MSI2: variants seen among roughly 807,000 people sequenced by gnomAD.
The protein encoded by MSI2 is musashi RNA binding protein 2, also known as RNA-binding protein Musashi homolog 2.
In MSI2, 17 loss-of-function variants were observed where a neutral mutation model predicts 45.6. The observed-to-expected ratio is 0.37, with a 90% CI of 0.26 to 0.56. The LOEUF is 0.56. MSI2 is among the 20% of genes least tolerant of loss of function. The pLI is 0.77. For synonymous variants in MSI2, 156 were observed against 158.2 expected (o/e 0.99, Z 0.11); for missense variants, 293 against 444.2 (o/e 0.66, Z 3.06).
intron 5 of MSI2, among the ~76,000 whole-genome samples, chr17:57,370,209 C>A (rs1482465981): frequency 1.3e-5 from 2 of 152,192 alleles, no homozygotes; most frequent in African/African-American, 2.4e-5. Flanking sequence ...CCTGCCCAGG[C>A]CTGCCCTGGT....
chr17:57,552,078 A>G lies in MSI2; in HGVS notation c.454+22354A>G, dbSNP rs8066491. On this transcript the variant is annotated intron_variant, in intron 7 of 13. Transcript: ENST00000284073. The surrounding 1 kb of genome is among the most constrained non-coding windows in gnomAD (Gnocchi z 4.3). Reference sequence around the variant, plus strand: ...CCTAGAGCCCCTCGTCCTGGGGCTCAAGGACCCAGCTCATGTGACCTTCAG... The same window carrying G: ...CCTAGAGCCCCTCGTCCTGGGGCTCGAGGACCCAGCTCATGTGACCTTCAG... 0.57 allele frequency among the ~76,000 whole-genome samples: 87,370 copies of G among 151,958 alleles called. 26,223 individuals carry two copies. The highest frequency in any genetic ancestry group is 0.76 in the African/African-American group (31,647 of 41,408).
intron 5 of MSI2, among the ~76,000 whole-genome samples, chr17:57,359,942 C>T (rs1469311123): frequency 6.6e-6 from 1 of 152,232 alleles, no homozygotes; most frequent in East Asian, 1.9e-4. Flanking sequence ...AAACTCTTCA[C>T]AGGCAACTCA....
intron 7 of MSI2, among the ~76,000 whole-genome samples, chr17:57,585,851 T>C (rs1404008367): frequency 6.6e-6 from 1 of 152,356 alleles, no homozygotes; most frequent in African/African-American, 2.4e-5. Context: ...CCAGAGCAGA[T>C]GCGGAGGCGG....
At chr17:57,269,630 A>T (rs1391320902) in intron 5 of MSI2, among the ~76,000 whole-genome samples, 2 of 152,082 alleles carry the variant, frequency 1.3e-5, no homozygotes, top group Non-Finnish European at 2.9e-5. Flanking sequence ...TTCCTCCTTA[A>T]CAAGGGACCA....
chr17:57,278,372 A>C (rs1012454379), intron 5 of MSI2: 2 of 152,378 alleles, frequency 1.3e-5, no homozygotes, highest in African/African-American at 4.8e-5. Context: ...GGAGATGGGG[A>C]CTGGGGTTTC....
chr17:57,406,488 C>T (rs1598225776), intron 6 of MSI2, among the ~76,000 whole-genome samples: 1 of 152,170 alleles, frequency 6.6e-6, no homozygotes, highest in African/African-American at 2.4e-5. Context: ...CGTTCCGCAC[C>T]TTTCAGCTGT....
At chr17:57,261,421 T>A (rs192357772) in intron 4 of MSI2, among the ~76,000 whole-genome samples, 11 of 152,292 alleles carry the variant, frequency 7.2e-5, no homozygotes, top group African/African-American at 2.6e-4. Flanking sequence ...TTAGGTTGCT[T>A]ATAGATTTTT....
intron 6 of MSI2, among the ~76,000 whole-genome samples, chr17:57,413,991 GA>G (rs1455571549): frequency 1.3e-5 from 2 of 151,978 alleles, no homozygotes; most frequent in African/African-American, 4.9e-5. Flanking sequence ...GCACCTTGGT[GA>G]GTGGAACAGA....
At chr17:57,363,018 A>C (rs182226737) in intron 5 of MSI2, among the ~76,000 whole-genome samples, 87 of 152,374 alleles carry the variant, frequency 5.7e-4, no homozygotes, top group Middle Eastern at 3.4e-3. Context: ...GGTTATATAC[A>C]TGAGAGATTT....
intron 6 of MSI2, among the ~76,000 whole-genome samples, chr17:57,464,522 C>A (rs1269150608): frequency 6.6e-6 from 1 of 152,174 alleles, no homozygotes; most frequent in Non-Finnish European, 1.5e-5. Flanking sequence ...CTGGACAGAT[C>A]TCAAGTAGGG....
chr17:57,616,102 C>T lies in MSI2; in HGVS notation c.652+18C>T, dbSNP rs755654837. 42 of 1,601,424 alleles carry T rather than the reference C, an allele frequency of 2.6e-5. 1 individual carries two copies. Among genetic ancestry groups the T allele is most frequent in the South Asian group, 1.1e-4 (10 of 90,526 alleles). On this transcript the variant is annotated intron_variant, in intron 9 of 13. Transcript: ENST00000284073. ...GATGCTGGGTGAGTCTGGACAGGACCGCAGGTCACCATGGACTGGGAGGGC... is the reference window on the plus strand; with the variant it reads ...GATGCTGGGTGAGTCTGGACAGGACTGCAGGTCACCATGGACTGGGAGGGC...
In MSI2 at chr17:57,529,277, A is replaced by G. The variant is rs1352507699; in HGVS notation, c.406-399A>G. On this transcript the variant is annotated intron_variant, in intron 6 of 13. Coordinates refer to ENST00000284073, the MANE Select transcript of MSI2 (RefSeq NM_138962.4). The surrounding 1 kb of genome is among the most constrained non-coding windows in gnomAD (Gnocchi z 5.3). ...ATAGTGGGACCCTGTCTCTAAAAAA[A>G]TAAAATAAAATAACTGGGCATGATG... Among the ~76,000 whole-genome samples, 1 of 152,130 alleles carries G rather than the reference A, an allele frequency of 6.6e-6. No homozygotes were observed. The highest frequency in any genetic ancestry group is 1.9e-4 in the East Asian group (1 of 5,178).
At chr17:57,290,467 C>T (rs1218585063) in intron 5 of MSI2, among the ~76,000 whole-genome samples, 1 of 152,180 alleles carries the variant, frequency 6.6e-6, no homozygotes, top group African/African-American at 2.4e-5. Context: ...TGCCACCATG[C>T]CCATTTAATT....
chr17:57,593,818 G>T lies in MSI2; in HGVS notation c.455-3050G>T, dbSNP rs76716491. ...CTGGGGCAGAGGGGTGACCTTCAAA[G>T]ACAGATGAGACCCAGAGTGCCCCAC... On this transcript the variant is annotated intron_variant, in intron 7 of 13. Coordinates refer to ENST00000284073, the MANE Select transcript of MSI2 (RefSeq NM_138962.4). Among the ~76,000 whole-genome samples the T allele has an allele frequency of 9.5e-3, 1,441 of 152,246 alleles. 13 individuals carry two copies. The highest frequency in any genetic ancestry group is 0.014 in the Middle Eastern group (4 of 294).
chr17:57,452,511 C>T (rs776874979), intron 6 of MSI2, among the ~76,000 whole-genome samples: 37 of 152,220 alleles, frequency 2.4e-4, no homozygotes, highest in Non-Finnish European at 4.6e-4. Flanking sequence ...GAGGGGCAGC[C>T]GAACTGTTGC....
At chr17:57,625,404 C>A (rs1268643698) in intron 9 of MSI2, among the ~76,000 whole-genome samples, 1 of 152,196 alleles carries the variant, frequency 6.6e-6, no homozygotes, top group Non-Finnish European at 1.5e-5. Context: ...TCTGAGTAGG[C>A]AGCAGGATGA....
At chr17:57,375,765 T>G (rs73991808) in intron 5 of MSI2, among the ~76,000 whole-genome samples, 5,972 of 152,146 alleles carry the variant, frequency 0.039, 145 homozygotes, top group Non-Finnish European at 0.046. Flanking sequence ...TGGGGAGTGG[T>G]GTTGAGTGCA....
intron 5 of MSI2, among the ~76,000 whole-genome samples, chr17:57,381,247 T>G (rs1436501556): frequency 6.6e-6 from 1 of 152,002 alleles, no homozygotes; most frequent in Non-Finnish European, 1.5e-5. Flanking sequence ...TGTATTTTTT[T>G]TAGAGACAGG....
chr17:57,674,602 A>C (rs1238801558), intron 11 of MSI2, among the ~76,000 whole-genome samples: 2 of 151,036 alleles, frequency 1.3e-5, no homozygotes, highest in African/African-American at 4.9e-5. Context: ...GTGAAAAAAA[A>C]ACTCTCTCTC....
Sources: allele counts gnomAD v4.1 joint callset (sites outside exome capture counted in the v4.1 genomes callset), GRCh38; gene constraint gnomAD v4.1.1; non-coding constraint Gnocchi (gnomAD v3.1); transcripts MANE v1.5; gene names NCBI Gene and HGNC (gene_info 2026-07-23, HGNC 2026-07-21).